The following PLCXD2 variants were observed in gnomAD, a reference collection of about 807,000 sequenced individuals.
PLCXD2 encodes the protein phosphatidylinositol specific phospholipase C X domain containing 2, also known as PI-PLC X domain-containing protein 2.
PLCXD2 carries 21 observed loss-of-function variants against 28.6 expected under a neutral mutation model. The ratio of observed to expected loss-of-function variants is 0.73; its 90% CI spans 0.52 to 1.06. PLCXD2 has a LOEUF of 1.06. PLCXD2 is among the 50% of genes least tolerant of loss of function. The pLI is 0.00. For synonymous variants in PLCXD2, 140 were observed against 150.1 expected (o/e 0.93, Z 0.49); for missense variants, 369 against 376.7 (o/e 0.98, Z 0.17).
At chr3:111,700,455 A>G (rs879808901) in intron 1 of PLCXD2, among the ~76,000 whole-genome samples, 31 of 152,210 alleles carry the variant, frequency 2.0e-4, no homozygotes, top group South Asian at 4.1e-4. Context: ...AGGGACTTGT[A>G]TGTCCATATT....
chr3:111,705,257 T>C (rs147343207), intron 1 of PLCXD2, among the ~76,000 whole-genome samples: 1,638 of 152,326 alleles, frequency 0.011, 30 homozygotes, highest in African/African-American at 0.037. Flanking sequence ...AGTGACAATA[T>C]GTAATATTTA....
At chr3:111,722,517 T>C (rs1941360555) in intron 3 of PLCXD2, 1 of 151,724 alleles carries the variant, frequency 6.6e-6, no homozygotes, top group Admixed American at 6.6e-5. Flanking sequence ...TCCAGAAGAG[T>C]GTTGAAAAGA....
chr3:111,676,761 T>C (rs188317358), intron 1 of PLCXD2: 1 of 152,214 alleles, frequency 6.6e-6, no homozygotes, highest in Admixed American at 6.5e-5. Flanking sequence ...TCAGGCCTTC[T>C]GATGGAATTA....
intron 1 of PLCXD2, among the ~76,000 whole-genome samples, chr3:111,706,925 A>C (rs930639060): frequency 1.3e-5 from 2 of 152,176 alleles, no homozygotes; most frequent in African/African-American, 4.8e-5. Flanking sequence ...ACACCAGAGC[A>C]CCTAGATTTA....
intron 2 of PLCXD2, among the ~76,000 whole-genome samples, chr3:111,709,832 C>T (rs1025806538): frequency 1.3e-5 from 2 of 152,132 alleles, no homozygotes; most frequent in African/African-American, 4.8e-5. Context: ...TGTAAAGACG[C>T]TAGCCTTCAC....
chr3:111,707,879 C>T, intron 1 of PLCXD2, 47 bp from the exon 2 acceptor site: 9 of 1,493,796 alleles, frequency 6.0e-6, no homozygotes, highest in South Asian at 4.0e-5. Flanking sequence ...CTTATTTTTC[C>T]CAGCTCCCGT....
rs1941146326 is a variant in PLCXD2 at position 111,708,148 on chromosome 3, A to G, written c.386A>G (p.Tyr129Cys). Residue 129 changes from tyrosine (Y) to cysteine (C), a missense_variant, in exon 2 of 5, where the codon TAC (tyrosine) becomes TGC (cysteine). Transcript: ENST00000477665. ...CCAGGGGATGCCGACCAGGAGATCTACTTCATCCATGGGCTTTTTGGCATC... is the reference window on the plus strand; with the variant it reads ...CCAGGGGATGCCGACCAGGAGATCTGCTTCATCCATGGGCTTTTTGGCATC... The G allele has an allele frequency of 6.2e-7, 1 of 1,614,104 alleles. No individual in the cohort carries two copies. The highest frequency in any genetic ancestry group is 1.1e-5 in the South Asian group (1 of 91,082).
At position 111,681,414 on chromosome 3, in the gene PLCXD2, CT is replaced by C. The variant is rs573772271; in HGVS notation, c.163+6007del. Among the ~76,000 whole-genome samples the C allele has an allele frequency of 7.0e-4, 106 of 152,326 alleles. 1 individual carries two copies. In the South Asian group the frequency reaches 0.022, roughly 31 times the overall value. On this transcript the variant is annotated intron_variant, in intron 1 of 4. Coordinates refer to ENST00000477665, the MANE Select transcript of PLCXD2 (RefSeq NM_001185106.1). ...CCTCATTTCCTCATCACTTGCCCTC[CT>C]AACCCAGTCATTTTGTTCCTAGCTT... is the stretch of plus-strand genomic sequence containing the variant.
At chr3:111,675,660 T>C (rs1258129975) in intron 1 of PLCXD2, among the ~76,000 whole-genome samples, 3 of 152,322 alleles carry the variant, frequency 2.0e-5, no homozygotes, top group African/African-American at 7.2e-5. Flanking sequence ...TTTGCTTATA[T>C]TTGCTAGCCC....
At chr3:111,720,535 C>T (rs1320794303) in intron 3 of PLCXD2, among the ~76,000 whole-genome samples, 188 bp from the exon 4 acceptor site, 1 of 152,184 alleles carries the variant, frequency 6.6e-6, no homozygotes, top group Non-Finnish European at 1.5e-5. Context: ...GTGTAATTTT[C>T]TAATGGAATA....
At chr3:111,682,573 G>A (rs940841893) in intron 1 of PLCXD2, among the ~76,000 whole-genome samples, 2 of 152,210 alleles carry the variant, frequency 1.3e-5, no homozygotes, top group Non-Finnish European at 2.9e-5. Flanking sequence ...ATGTCTTGGA[G>A]TGTGGCAGCA....
intron 1 of PLCXD2, among the ~76,000 whole-genome samples, chr3:111,699,051 TG>T (rs1471063434): frequency 2.0e-5 from 3 of 152,144 alleles, no homozygotes; most frequent in Non-Finnish European, 4.4e-5. Flanking sequence ...CAGGAACTAA[TG>T]GGCTTCAAAG....
At chr3:111,706,863 G>A (rs1183497912) in intron 1 of PLCXD2, among the ~76,000 whole-genome samples, 1 of 148,784 alleles carries the variant, frequency 6.7e-6, no homozygotes, top group African/African-American at 2.5e-5. Flanking sequence ...TAAAGATAAA[G>A]TGATCAGTTC....
chr3:111,694,571 A>G (rs1940934640), intron 1 of PLCXD2, among the ~76,000 whole-genome samples: 1 of 152,094 alleles, frequency 6.6e-6, no homozygotes, highest in Non-Finnish European at 1.5e-5. Flanking sequence ...CAATATCTTA[A>G]CATCCTTTGT....
chr3:111,685,187 C>T (rs1940776605), intron 1 of PLCXD2, among the ~76,000 whole-genome samples: 1 of 152,154 alleles, frequency 6.6e-6, no homozygotes, highest in African/African-American at 2.4e-5. Context: ...CTAACAGCTA[C>T]TATTATACCC....
At chr3:111,686,809 A>G (rs1356811390) in intron 1 of PLCXD2, among the ~76,000 whole-genome samples, 1 of 152,182 alleles carries the variant, frequency 6.6e-6, no homozygotes, top group Admixed American at 6.5e-5. Flanking sequence ...AAATTGTTCA[A>G]TGTAATATTT....
chr3:111,679,266 T>C (rs998448009), intron 1 of PLCXD2, among the ~76,000 whole-genome samples: 2 of 152,060 alleles, frequency 1.3e-5, no homozygotes, highest in African/African-American at 4.8e-5. Context: ...AGGGTCAGGG[T>C]TGGGAAGGAG....
At chr3:111,713,133 G>C (rs1321483433) in intron 2 of PLCXD2, among the ~76,000 whole-genome samples, 2 of 152,194 alleles carry the variant, frequency 1.3e-5, no homozygotes, top group Non-Finnish European at 2.9e-5. Flanking sequence ...TCCAAAAGCT[G>C]TCAGTTTTGT....
chr3:111,721,324 A>G (rs1237354047), intron 3 of PLCXD2: 1 of 152,290 alleles, frequency 6.6e-6, no homozygotes, highest in Non-Finnish European at 1.5e-5. Flanking sequence ...GTGGACCACC[A>G]TCTGGGGTGG....
Sources: gnomAD v4.1 joint callset for allele counts (sites outside exome capture counted in the v4.1 genomes callset) on GRCh38, gnomAD v4.1.1 for gene constraint, MANE v1.5 for transcripts, NCBI Gene and HGNC (gene_info 2026-07-23, HGNC 2026-07-21) for gene names.